The following PTPN22 variants were observed in gnomAD, a reference collection of about 807,000 sequenced individuals.
The protein encoded by PTPN22 is tyrosine-protein phosphatase non-receptor type 22.
Under a neutral mutation model 103.3 loss-of-function variants are expected in PTPN22, and 85 were observed. The ratio of observed to expected loss-of-function variants is 0.82; its 90% CI spans 0.69 to 0.99. The LOEUF (loss-of-function observed/expected upper bound fraction) is 0.99, where lower values mean the gene tolerates loss of function less well. Ranked by LOEUF, PTPN22 falls within the 50% of genes least tolerant of loss-of-function variation. The pLI, the probability that PTPN22 is intolerant of heterozygous loss-of-function variation, is 0.00. For missense variants in PTPN22, 865 were observed against 936.9 expected, an observed-to-expected ratio of 0.92 and a Z score of 1.00; for synonymous variants, 323 against 310.2, an observed-to-expected ratio of 1.04 and a Z score of -0.43.
chr1:113,837,381 C>T lies in PTPN22; in HGVS notation c.1810+209G>A, dbSNP rs147204605. On this transcript the variant is annotated intron_variant, in intron 13 of 20. Coordinates refer to ENST00000359785, the Ensembl canonical transcript of PTPN22. ...AGGAGAATTGCTTGAACTCTGGAGGCGGAAGTTGCATTGAGCCAAGATTGC... is the reference window on the plus strand; with the variant it reads ...AGGAGAATTGCTTGAACTCTGGAGGTGGAAGTTGCATTGAGCCAAGATTGC... Among the ~76,000 whole-genome samples the T allele has an allele frequency of 6.0e-3, 900 of 149,818 alleles. 7 individuals carry two copies. Among genetic ancestry groups the T allele is most frequent in the African/African-American group, 0.021 (864 of 40,668 alleles).
rs555056620 is a variant in PTPN22 at position 113,858,945 on chromosome 1, C to T, written c.273+57G>A. The T allele has an allele frequency of 2.1e-5, 33 of 1,579,512 alleles. No individual in the cohort carries two copies. In the African/African-American group the frequency reaches 3.9e-4, roughly 19 times the overall value. ...TGAGCCACTGAGTCCAGCCAGCCCT[C>T]CCCTTTTTTTGGGTATCTAGAGAAA... On this transcript the variant is annotated intron_variant, in intron 3 of 20. Transcript: ENST00000359785.
intron 7 of PTPN22, among the ~76,000 whole-genome samples, chr1:113,855,860 A>G (rs1053020369): frequency 6.6e-6 from 1 of 152,218 alleles, no homozygotes; most frequent in African/African-American, 2.4e-5. Context: ...TTTGCCTTAG[A>G]GAAGCTGGGC....
At position 113,839,384 on chromosome 1, in the gene PTPN22, A is replaced by G. The variant is rs537161619; in HGVS notation, c.916-764T>C. Among the ~76,000 whole-genome samples, 35 of 148,556 alleles carry G rather than the reference A, an allele frequency of 2.4e-4. 1 individual carries two copies. In the East Asian group the frequency reaches 6.6e-3, roughly 28 times the overall value. ...GGTGTGTACCACAGTGCCTGGCCTC[A>G]ATCTTTTTTTTTTTTTTTGAATTAA... On this transcript the variant is annotated intron_variant, in intron 11 of 20. Transcript: ENST00000359785.
At chr1:113,835,974 T>A (rs1225799224) in intron 13 of PTPN22, among the ~76,000 whole-genome samples, 1 of 152,190 alleles carries the variant, frequency 6.6e-6, no homozygotes. Flanking sequence ...CTCTGTTTTT[T>A]AATGATGCAG....
chr1:113,858,627 C>G, intron 3 of PTPN22, 54 bp from the exon 4 acceptor site: 1 of 1,106,468 alleles, frequency 9.0e-7, no homozygotes, highest in South Asian at 1.5e-5. Context: ...CCTGTTCTCA[C>G]CTAGTCCTCC....
chr1:113,840,049 TA>T (rs766837203), intron 11 of PTPN22, among the ~76,000 whole-genome samples: 12 of 151,930 alleles, frequency 7.9e-5, no homozygotes, highest in Non-Finnish European at 1.6e-4. Flanking sequence ...CCGTCTCTAT[TA>T]AAAATATAAA....
At chr1:113,867,819 C>T (rs1412355362) in intron 1 of PTPN22, among the ~76,000 whole-genome samples, 2 of 152,208 alleles carry the variant, frequency 1.3e-5, no homozygotes, top group Non-Finnish European at 2.9e-5. Flanking sequence ...GCTTCAGCTG[C>T]CATTAACAGG....
At chr1:113,816,243 C>T (rs1276870376) in intron 20 of PTPN22, among the ~76,000 whole-genome samples, 1 of 151,884 alleles carries the variant, frequency 6.6e-6, no homozygotes, top group Non-Finnish European at 1.5e-5. Context: ...GAGGCCAAGG[C>T]AGGTGGATCG....
intron 1 of PTPN22, among the ~76,000 whole-genome samples, chr1:113,863,411 G>A (rs1378209875): frequency 1.3e-5 from 2 of 152,188 alleles, no homozygotes; most frequent in Admixed American, 6.5e-5. Context: ...TGTTTTAAGT[G>A]TCCTGTGAGT....
chr1:113,825,292 G>C (rs1661954952), intron 18 of PTPN22, 120 bp from the exon 19 acceptor site: 2 of 678,456 alleles, frequency 2.9e-6, no homozygotes. Flanking sequence ...CCATGAAAAT[G>C]TACAAAGTTG....
At position 113,865,552 on chromosome 1, in the gene PTPN22, ATATT is replaced by A. The variant is rs1205783039; in HGVS notation, c.87+5981_87+5984del. On this transcript the variant is annotated intron_variant, in intron 1 of 20. Coordinates refer to ENST00000359785, the Ensembl canonical transcript of PTPN22. ...ATGTTTTCATCTTTTATTCTCTTTT[ATATT>A]TATTAAGTCTAGCAAGGTGGTAGAG... Among the ~76,000 whole-genome samples the A allele has an allele frequency of 3.3e-5, 5 of 152,300 alleles. No individual in the cohort carries two copies. The East Asian group carries it at 7.7e-4, about 23-fold the overall frequency.
intron 20 of PTPN22, among the ~76,000 whole-genome samples, chr1:113,818,385 G>A (rs1030446727): frequency 9.2e-5 from 14 of 151,846 alleles, no homozygotes; most frequent in Non-Finnish European, 1.9e-4. Flanking sequence ...AGATGGTCTC[G>A]ATCTCTTGAC....
intron 9 of PTPN22, among the ~76,000 whole-genome samples, chr1:113,853,245 C>T (rs1338919061): frequency 2.0e-5 from 3 of 151,796 alleles, no homozygotes; most frequent in Non-Finnish European, 2.9e-5. Context: ...GCCAAGTTTG[C>T]TTGGTTTTGA....
chr1:113,861,257 T>C (rs1019178790), intron 1 of PTPN22, among the ~76,000 whole-genome samples: 1 of 152,210 alleles, frequency 6.6e-6, no homozygotes, highest in African/African-American at 2.4e-5. Context: ...GTTTTTGTTT[T>C]TGAGACAAAG....
chr1:113,864,898 CGA>C (rs1368520932), intron 1 of PTPN22, among the ~76,000 whole-genome samples: 1 of 148,854 alleles, frequency 6.7e-6, no homozygotes, highest in Non-Finnish European at 1.5e-5. Context: ...GGTGACAGAG[CGA>C]GACTCCGTCT....
chr1:113,833,195 A>G, intron 15 of PTPN22, 57 bp from the exon 16 acceptor site: 1 of 1,393,236 alleles, frequency 7.2e-7, no homozygotes, highest in Non-Finnish European at 9.8e-7. Flanking sequence ...AATTATACAA[A>G]CTCAAAGCAA....
intron 8 of PTPN22, 43 bp from the exon 9 acceptor site, chr1:113,854,580 G>A: frequency 6.5e-7 from 1 of 1,547,658 alleles, no homozygotes; most frequent in South Asian, 1.1e-5. Flanking sequence ...TGTATACCTA[G>A]AGAGAATGGA....
At chr1:113,833,239 C>T in intron 15 of PTPN22, 101 bp from the exon 16 acceptor site, 1 of 802,502 alleles carries the variant, frequency 1.2e-6, no homozygotes, top group Non-Finnish European at 1.9e-6. Context: ...TGTAATATAG[C>T]TGTAGAGATA....
At chr1:113,862,835 G>A (rs1665735280) in intron 1 of PTPN22, among the ~76,000 whole-genome samples, 1 of 152,148 alleles carries the variant, frequency 6.6e-6, no homozygotes, top group South Asian at 2.1e-4. Flanking sequence ...GGTAAGGAAT[G>A]GCATTAGGAG....
Sources: gnomAD v4.1 joint callset for allele counts (sites outside exome capture counted in the v4.1 genomes callset) on GRCh38, gnomAD v4.1.1 for gene constraint, MANE v1.5 for transcripts, NCBI Gene and HGNC (gene_info 2026-07-23, HGNC 2026-07-21) for gene names.